GLIS3: variants seen among roughly 807,000 people sequenced by gnomAD.
GLIS3 encodes zinc finger protein GLIS3.
A neutral mutation model predicts 78.6 loss-of-function variants in GLIS3; 53 were observed. The observed-to-expected ratio is 0.67, with a 90% CI of 0.54 to 0.85. The LOEUF is 0.85. Ranked by LOEUF, GLIS3 falls within the 40% of genes least tolerant of loss-of-function variation. The probability of loss-of-function intolerance (pLI) is 0.00; values close to 1 mark genes in which losing one functional copy is unlikely to be tolerated. For missense variants in GLIS3, 1,703 were observed against 1,231.1 expected (o/e 1.38, Z -5.74); for synonymous variants, 684 against 509.9 (o/e 1.34, Z -4.60).
At chr9:4,488,873 T>G in the GLIS3 span, among the ~76,000 whole-genome samples, 1 of 151,934 alleles carries the variant, frequency 6.6e-6, no homozygotes, top group Admixed American at 6.6e-5. Context: ...TCTTTCTTTC[T>G]TTTTTCTTTT....
chr9:4,169,817 T>C (rs1456522771), intron 2 of GLIS3, among the ~76,000 whole-genome samples: 1 of 152,178 alleles, frequency 6.6e-6, no homozygotes, highest in Non-Finnish European at 1.5e-5. Flanking sequence ...ATAGGAGAAT[T>C]CGGTACATTG....
chr9:4,417,776 C>T, the GLIS3 span, among the ~76,000 whole-genome samples: 2 of 152,164 alleles, frequency 1.3e-5, no homozygotes, highest in Non-Finnish European at 2.9e-5. Context: ...TATCATTGAA[C>T]TTTGTAATCT....
chr9:4,458,215 C>T, the GLIS3 span, among the ~76,000 whole-genome samples: 3 of 152,112 alleles, frequency 2.0e-5, no homozygotes, highest in East Asian at 5.8e-4. Flanking sequence ...CCTCCCACAG[C>T]TCTAGAAGGT....
intron 4 of GLIS3, among the ~76,000 whole-genome samples, chr9:4,043,765 T>C (rs1007745488): frequency 1.4e-4 from 21 of 152,204 alleles, no homozygotes; most frequent in African/African-American, 4.8e-4. Context: ...CCAGTACCTC[T>C]TTAGAATAAT....
chr9:4,133,838 A>ACACG (rs1401963951), intron 2 of GLIS3, among the ~76,000 whole-genome samples: 8 of 52,324 alleles, frequency 1.5e-4, no homozygotes, highest in African/African-American at 6.1e-4. Flanking sequence ...ACACACACAC[A>ACACG]CACACACACA....
At chr9:4,389,459 T>C in the GLIS3 span, among the ~76,000 whole-genome samples, 2 of 152,174 alleles carry the variant, frequency 1.3e-5, no homozygotes, top group Non-Finnish European at 2.9e-5. Flanking sequence ...TAGAGCCACG[T>C]GGGACTTCCA....
At chr9:4,258,320 G>A (rs1027671503) in intron 2 of GLIS3, among the ~76,000 whole-genome samples, 2 of 147,820 alleles carry the variant, frequency 1.4e-5, no homozygotes, top group Non-Finnish European at 3.0e-5. Flanking sequence ...TTAGTTTACA[G>A]TAACATATAT....
At chr9:3,856,639 G>A (rs548674313) in intron 8 of GLIS3, among the ~76,000 whole-genome samples, 1 of 152,328 alleles carries the variant, frequency 6.6e-6, no homozygotes, top group South Asian at 2.1e-4. Flanking sequence ...GGTCCAAGAA[G>A]TGTTGTTACA....
At chr9:4,034,877 G>C (rs1303452483) in intron 4 of GLIS3, 1 of 152,104 alleles carries the variant, frequency 6.6e-6, no homozygotes, top group Non-Finnish European at 1.5e-5. Context: ...GAGTGGTGAG[G>C]GGGACCAAAA....
the GLIS3 span, among the ~76,000 whole-genome samples, chr9:4,395,635 C>T: frequency 6.6e-6 from 1 of 152,238 alleles, no homozygotes; most frequent in Non-Finnish European, 1.5e-5. Context: ...ACCAAAATAT[C>T]TCCAGCCTTT....
chr9:4,168,041 G>C (rs1010289557), intron 2 of GLIS3, among the ~76,000 whole-genome samples: 7 of 152,286 alleles, frequency 4.6e-5, no homozygotes, highest in African/African-American at 1.7e-4. Flanking sequence ...TTCCTACCAA[G>C]TGGAGATAAA....
At chr9:4,108,800 A>T (rs892348288) in intron 4 of GLIS3, among the ~76,000 whole-genome samples, 2 of 152,232 alleles carry the variant, frequency 1.3e-5, no homozygotes, top group Admixed American at 1.3e-4. Flanking sequence ...GCAAGGATCC[A>T]GGACCAATCA....
chr9:4,354,351 T>A, the GLIS3 span, among the ~76,000 whole-genome samples: 4 of 152,194 alleles, frequency 2.6e-5, no homozygotes, highest in Non-Finnish European at 5.9e-5. Flanking sequence ...TCATGCCATA[T>A]GGATGAGGGT....
the GLIS3 span, among the ~76,000 whole-genome samples, chr9:4,435,018 C>G: frequency 6.6e-6 from 1 of 152,188 alleles, no homozygotes; most frequent in Non-Finnish European, 1.5e-5. Context: ...CAAAGTTGTA[C>G]AAGAATTTGG....
intron 2 of GLIS3, among the ~76,000 whole-genome samples, chr9:4,159,904 T>C (rs900270240): frequency 2.6e-5 from 4 of 152,166 alleles, no homozygotes; most frequent in African/African-American, 7.2e-5. Context: ...CTCAGACTCA[T>C]GTCCTCAGAC....
rs141233291 is a variant in GLIS3 at position 4,182,489 on chromosome 9, G to C, written c.389-56548C>G. On this transcript the variant is annotated intron_variant, in intron 2 of 10. Coordinates refer to ENST00000381971, the MANE Select transcript of GLIS3 (RefSeq NM_001042413.2). ...CACTGTCGGGGATATTTTATCATCA[G>C]TGACAGTATAGGGCAGAGGTTGAAT... is the stretch of plus-strand genomic sequence containing the variant. 2.8e-3 allele frequency among the ~76,000 whole-genome samples: 434 copies of C among 152,314 alleles called. 2 individuals are homozygous for C. The highest frequency in any genetic ancestry group is 0.01 in the African/African-American group (425 of 41,558).
intron 4 of GLIS3, among the ~76,000 whole-genome samples, chr9:4,040,455 G>C (rs923244176): frequency 6.6e-6 from 1 of 152,048 alleles, no homozygotes; most frequent in Admixed American, 6.6e-5. Context: ...CTACATTTAC[G>C]ATAGAAAAGG....
rs150677078 is a variant in GLIS3 at position 4,139,124 on chromosome 9, G to C, written c.389-13183C>G. Among the ~76,000 whole-genome samples the C allele has an allele frequency of 9.9e-5, 15 of 152,258 alleles. No homozygotes were observed. In the East Asian group the frequency reaches 2.9e-3, roughly 29 times the overall value. On this transcript the variant is annotated intron_variant, in intron 2 of 10. Coordinates refer to ENST00000381971, the MANE Select transcript of GLIS3 (RefSeq NM_001042413.2). ...GAAAACAAGTAAGATGGTTGCTGAA[G>C]TGCCTTTAAGGAATACTAGATTCAG...
chr9:3,858,764 G>A (rs1819961505), intron 8 of GLIS3, among the ~76,000 whole-genome samples: 1 of 152,066 alleles, frequency 6.6e-6, no homozygotes, highest in South Asian at 2.1e-4. Context: ...AATATGACAA[G>A]AAGTGATCAC....
Sources: gnomAD v4.1 joint callset for allele counts (sites outside exome capture counted in the v4.1 genomes callset) on GRCh38, gnomAD v4.1.1 for gene constraint, MANE v1.5 for transcripts, NCBI Gene and HGNC (gene_info 2026-07-23, HGNC 2026-07-21) for gene names.